DARS2: variants seen among roughly 807,000 people sequenced by gnomAD.
The protein encoded by DARS2 is aspartate--tRNA ligase, mitochondrial.
DARS2 carries 63 observed loss-of-function variants against 83.0 expected under a neutral mutation model. That is an observed-to-expected ratio of 0.76 (90% CI 0.62 to 0.94). The LOEUF (loss-of-function observed/expected upper bound fraction) is 0.94, where lower values mean the gene tolerates loss of function less well. Among genes scored for constraint, DARS2 ranks in the 40% least tolerant of loss-of-function variants. DARS2 has a pLI of 0.00. For missense variants in DARS2, 675 were observed against 774.4 expected (o/e 0.87, Z 1.52); for synonymous variants, 250 against 269.3 (o/e 0.93, Z 0.70).
intron 13 of DARS2, among the ~76,000 whole-genome samples, chr1:173,851,590 C>T (rs1653671010): frequency 6.6e-6 from 1 of 152,082 alleles, no homozygotes; most frequent in African/African-American, 2.4e-5. Flanking sequence ...CATGCACTGG[C>T]TGAGTCATGA....
chr1:173,852,750 G>A (rs529913226), intron 13 of DARS2, among the ~76,000 whole-genome samples: 71 of 152,110 alleles, frequency 4.7e-4, no homozygotes, highest in Non-Finnish European at 8.7e-4. Context: ...TGATCCGCCC[G>A]CCTCGGCCTC....
intron 7 of DARS2, among the ~76,000 whole-genome samples, chr1:173,836,491 C>T (rs1235101361): frequency 2.7e-5 from 4 of 150,432 alleles, no homozygotes; most frequent in Non-Finnish European, 5.9e-5. Flanking sequence ...TGCAGTGAGC[C>T]GAGATTGTGC....
chr1:173,841,393 G>C (rs1653204994), intron 11 of DARS2, among the ~76,000 whole-genome samples: 1 of 151,566 alleles, frequency 6.6e-6, no homozygotes, highest in South Asian at 2.1e-4. Flanking sequence ...AAAAAAAGTA[G>C]GTATTTTTAT....
chr1:173,831,194 C>T (rs1021123446), intron 4 of DARS2, among the ~76,000 whole-genome samples: 1 of 149,754 alleles, frequency 6.7e-6, no homozygotes, highest in East Asian at 1.9e-4. Context: ...GGATTACAGG[C>T]GTGAGCCACC....
In DARS2 at chr1:173,853,573, G is replaced by GT. The variant is rs751245713; in HGVS notation, c.1563+7dup. 1.9e-6 allele frequency: 3 copies of GT among 1,613,660 alleles called. No individual in the cohort carries two copies. In the South Asian group the frequency reaches 3.3e-5, roughly 18 times the overall value. On this transcript the variant is annotated splice_region_variant and intron_variant, in intron 14 of 16. Transcript: ENST00000649689. ...TGTACACTGAGCCCAAAAAGGTACC[G>GT]TATCTATACTTCCAAATCAAAAGGA...
At chr1:173,855,263 C>A (rs1653818343) in intron 15 of DARS2, among the ~76,000 whole-genome samples, 1 of 151,970 alleles carries the variant, frequency 6.6e-6, no homozygotes, top group African/African-American at 2.4e-5. Flanking sequence ...ACTAACACAC[C>A]CGGCTATTTT....
chr1:173,854,027 G>A (rs567494466), intron 15 of DARS2, 122 bp downstream of exon 15: 19 of 814,978 alleles, frequency 2.3e-5, no homozygotes, highest in Admixed American at 1.6e-4. Flanking sequence ...CCAGGCAGGT[G>A]TCTACTGGTG....
chr1:173,830,834 A>T, intron 4 of DARS2, 73 bp downstream of exon 4: 2 of 1,120,140 alleles, frequency 1.8e-6, no homozygotes, highest in Non-Finnish European at 2.7e-6. Flanking sequence ...ACATTCTGGC[A>T]ACACATGACT....
At chr1:173,852,459 T>C (rs1653709705) in intron 13 of DARS2, 1 of 159,756 alleles carries the variant, frequency 6.3e-6, no homozygotes, top group Non-Finnish European at 1.3e-5. Flanking sequence ...GCCGGATTTC[T>C]AACCCATGAA....
Position 173,845,249 on chromosome 1 carries a change from C to T in DARS2, c.1149C>T (p.Asp383=). Residue 383 remains aspartate, a synonymous_variant, in exon 12 of 17, where the codon GAC becomes GAT. Transcript: ENST00000649689. The stretch of plus-strand genomic sequence containing the variant: ...ATCAGAAATACTTAAAAAGGAAAGA[C>T]ATTGAATCCATTAGAAACTTTGCAG... The part of the protein sequence containing the change: ...PEGAKYLKRK[D]IESIRNFAAD... The T allele has an allele frequency of 1.9e-6, 3 of 1,609,794 alleles. 1 individual carries two copies. In the South Asian group the frequency reaches 3.3e-5, roughly 18 times the overall value.
At chr1:173,846,551 G>C (rs1226565280) in intron 12 of DARS2, among the ~76,000 whole-genome samples, 1 of 151,692 alleles carries the variant, frequency 6.6e-6, no homozygotes, top group African/African-American at 2.4e-5. Context: ...CCAGCACTTT[G>C]GGAGCCCAAG....
chr1:173,838,005 C>T (rs986181954), intron 8 of DARS2, among the ~76,000 whole-genome samples, 185 bp from the exon 9 acceptor site: 1 of 152,164 alleles, frequency 6.6e-6, no homozygotes, highest in Non-Finnish European at 1.5e-5. Context: ...GAACGCCTGA[C>T]CTCATGATCT....
In DARS2 at chr1:173,857,592, C is replaced by T. The variant is rs200670286; in HGVS notation, c.1825C>T (p.Arg609Trp). 2.1e-5 allele frequency: 34 copies of T among 1,614,002 alleles called. No homozygotes were observed. Among genetic ancestry groups the T allele is most frequent in the South Asian group, 5.5e-5 (5 of 91,092 alleles). ...RDVIAFPKSFRGHDLMSNTPD... is the reference protein window; with the variant it reads ...RDVIAFPKSFWGHDLMSNTPD... Reference sequence around the variant, plus strand: ...TGTCATAGCCTTCCCAAAGTCCTTCCGGGGACATGACCTCATGAGCAATAC... The same window carrying T: ...TGTCATAGCCTTCCCAAAGTCCTTCTGGGGACATGACCTCATGAGCAATAC... Residue 609 changes from arginine to tryptophan, a missense_variant, in exon 17 of 17, where the codon CGG becomes TGG. Physicochemically the swap from Arg to Trp is moderately radical, Grantham distance 101. Coordinates refer to ENST00000649689, the MANE Select transcript of DARS2 (RefSeq NM_018122.5).
chr1:173,839,567 A>G, intron 10 of DARS2, 21 bp downstream of exon 10: 2 of 1,610,652 alleles, frequency 1.2e-6, no homozygotes, highest in Non-Finnish European at 1.7e-6. Flanking sequence ...TCACTTTTCT[A>G]GGACTCTGTC....
At chr1:173,833,706 A>G (rs147762626) in intron 6 of DARS2, among the ~76,000 whole-genome samples, 2 of 152,284 alleles carry the variant, frequency 1.3e-5, no homozygotes, top group Admixed American at 6.5e-5. Context: ...TGATTAATGT[A>G]TTATAGTATT....
intron 12 of DARS2, among the ~76,000 whole-genome samples, chr1:173,848,003 C>T (rs905135512): frequency 3.9e-5 from 6 of 152,054 alleles, no homozygotes; most frequent in African/African-American, 1.4e-4. Flanking sequence ...CAGGCGCCCG[C>T]GACCACGCCC....
At chr1:173,841,785 C>T (rs1277157687) in intron 11 of DARS2, among the ~76,000 whole-genome samples, 1 of 152,148 alleles carries the variant, frequency 6.6e-6, no homozygotes, top group Non-Finnish European at 1.5e-5. Flanking sequence ...GATAACATAG[C>T]AAGACCGTGT....
intron 2 of DARS2, 137 bp from the exon 3 acceptor site, chr1:173,828,194 CAT>C: frequency 1.1e-6 from 1 of 871,600 alleles, no homozygotes; most frequent in African/African-American, 1.7e-5. Context: ...TCATAAAAAA[CAT>C]GAAAAATTAT....
At chr1:173,848,472 C>G (rs1288955037) in intron 12 of DARS2, among the ~76,000 whole-genome samples, 1 of 152,204 alleles carries the variant, frequency 6.6e-6, no homozygotes, top group Admixed American at 6.5e-5. Context: ...CTAGTGAACA[C>G]TTGAAATAGG....
Sources: allele counts gnomAD v4.1 joint callset (sites outside exome capture counted in the v4.1 genomes callset), GRCh38; gene constraint gnomAD v4.1.1; transcripts MANE v1.5; gene names NCBI Gene and HGNC (gene_info 2026-07-23, HGNC 2026-07-21).